CSMD1: variants seen among roughly 807,000 people sequenced by gnomAD.
CSMD1 encodes the protein CUB and sushi domain-containing protein 1.
Under a neutral mutation model 417.5 loss-of-function variants are expected in CSMD1, and 213 were observed. That is an observed-to-expected ratio of 0.51 (90% CI 0.46 to 0.57). The LOEUF is 0.57. CSMD1 is among the 20% of genes least tolerant of loss of function. The pLI, the probability that CSMD1 is intolerant of heterozygous loss-of-function variation, is 0.00. For missense variants in CSMD1, 6,923 were observed against 4,529.7 expected, an observed-to-expected ratio of 1.53 and a Z score of -15.17; for synonymous variants, 2,862 against 1,736.8, an observed-to-expected ratio of 1.65 and a Z score of -16.11.
chr8:4,428,264 C>A (rs1462706249), intron 2 of CSMD1, among the ~76,000 whole-genome samples: 1 of 152,160 alleles, frequency 6.6e-6, no homozygotes, highest in Non-Finnish European at 1.5e-5. Flanking sequence ...CAACTTGATA[C>A]AAGGAAAATC....
At chr8:4,622,072 G>A (rs1181807973) in intron 2 of CSMD1, among the ~76,000 whole-genome samples, 1 of 151,518 alleles carries the variant, frequency 6.6e-6, no homozygotes, top group African/African-American at 2.4e-5. Context: ...CAACATATTA[G>A]TGCAGTTCTA....
At chr8:4,537,803 G>A (rs574958144) in intron 2 of CSMD1, among the ~76,000 whole-genome samples, 5 of 152,136 alleles carry the variant, frequency 3.3e-5, no homozygotes, top group East Asian at 1.9e-4. Flanking sequence ...TCTCAGGGCC[G>A]TGTTTATCCA....
At chr8:3,819,186 A>G (rs9693433) in intron 5 of CSMD1, among the ~76,000 whole-genome samples, 114,717 of 151,938 alleles carry the variant, frequency 0.76, 43,464 homozygotes, top group East Asian at 0.83. Context: ...CCACAGTGAA[A>G]CTCAATGTCT....
intron 5 of CSMD1, among the ~76,000 whole-genome samples, chr8:3,980,587 C>T (rs1038594156): frequency 9.2e-5 from 14 of 152,254 alleles, no homozygotes; most frequent in African/African-American, 3.1e-4. Flanking sequence ...AGTTTCCCCC[C>T]TTGTTAATTT....
chr8:4,455,946 A>AAAAAAAAAAAAAAAAAAT, intron 2 of CSMD1, among the ~76,000 whole-genome samples: 1 of 140,594 alleles, frequency 7.1e-6, no homozygotes, highest in Non-Finnish European at 1.5e-5. Context: ...AAAAAAAAAA[A>AAAAAAAAAAAAAAAAAAT]AAAAAAAAAA....
chr8:4,243,231 G>A (rs1585085099), intron 3 of CSMD1, among the ~76,000 whole-genome samples: 1 of 152,124 alleles, frequency 6.6e-6, no homozygotes, highest in Admixed American at 6.5e-5. Flanking sequence ...GGAGAGTCAG[G>A]AAAGGGGAGA....
chr8:3,432,321 A>T (rs979088140), intron 12 of CSMD1, among the ~76,000 whole-genome samples: 1 of 152,154 alleles, frequency 6.6e-6, no homozygotes, highest in Non-Finnish European at 1.5e-5. Context: ...AAAAGAAAAA[A>T]AATCATTTAA....
At chr8:4,245,820 G>A (rs1164561526) in intron 3 of CSMD1, among the ~76,000 whole-genome samples, 1 of 152,068 alleles carries the variant, frequency 6.6e-6, no homozygotes. Flanking sequence ...TTATTGACAA[G>A]TGTGCACAAT....
chr8:4,797,402 C>T (rs1229005985), intron 1 of CSMD1, among the ~76,000 whole-genome samples: 1 of 152,150 alleles, frequency 6.6e-6, no homozygotes, highest in Non-Finnish European at 1.5e-5. Context: ...ATCAAGCTGC[C>T]ACTTCAAAAG....
At chr8:3,742,405 C>A (rs1563331157) in intron 6 of CSMD1, among the ~76,000 whole-genome samples, 1 of 152,178 alleles carries the variant, frequency 6.6e-6, no homozygotes. Flanking sequence ...TTGTAAACTC[C>A]TGCAGAAAGA....
intron 25 of CSMD1, among the ~76,000 whole-genome samples, chr8:3,293,284 G>GA (rs1803714742): frequency 6.6e-6 from 1 of 152,106 alleles, no homozygotes; most frequent in African/African-American, 2.4e-5. Flanking sequence ...CAACTTTGGT[G>GA]AATCTGACAA....
At chr8:3,282,757 G>A (rs777485355) in intron 26 of CSMD1, among the ~76,000 whole-genome samples, 1 of 152,046 alleles carries the variant, frequency 6.6e-6, no homozygotes, top group Non-Finnish European at 1.5e-5. Context: ...ATAACCAGAG[G>A]TAAGAAATTG....
intron 3 of CSMD1, among the ~76,000 whole-genome samples, chr8:4,228,840 C>A (rs2128812621): frequency 6.6e-6 from 1 of 152,042 alleles, no homozygotes; most frequent in East Asian, 1.9e-4. Context: ...CACCACTGTG[C>A]CCAGCTAATT....
At chr8:4,421,368 A>G (rs1009458218) in intron 2 of CSMD1, among the ~76,000 whole-genome samples, 10 of 152,304 alleles carry the variant, frequency 6.6e-5, no homozygotes, top group African/African-American at 2.4e-4. Flanking sequence ...TTACCCAGCA[A>G]GAACAGAGTA....
chr8:4,099,647 A>G (rs1801205017), intron 3 of CSMD1, among the ~76,000 whole-genome samples: 1 of 152,128 alleles, frequency 6.6e-6, no homozygotes, highest in Non-Finnish European at 1.5e-5. Flanking sequence ...TGGGTTCAGA[A>G]TAAACCAATG....
chr8:3,213,203 C>T (rs903513826), intron 30 of CSMD1, among the ~76,000 whole-genome samples: 2 of 152,162 alleles, frequency 1.3e-5, no homozygotes, highest in Non-Finnish European at 2.9e-5. Flanking sequence ...AAGAAAAACA[C>T]ATTTGTTTCA....
At chr8:3,511,524 G>A (rs1183096321) in intron 10 of CSMD1, among the ~76,000 whole-genome samples, 1 of 151,632 alleles carries the variant, frequency 6.6e-6, no homozygotes, top group Non-Finnish European at 1.5e-5. Flanking sequence ...GGAGGCCGAG[G>A]CAGGTAGATC....
intron 3 of CSMD1, among the ~76,000 whole-genome samples, chr8:4,365,829 C>G (rs1421014331): frequency 1.3e-5 from 2 of 152,164 alleles, no homozygotes; most frequent in Non-Finnish European, 2.9e-5. Context: ...TTTGACTTTT[C>G]TAGATTCCAC....
At chr8:4,974,142 G>T (rs556482152) in intron 1 of CSMD1, among the ~76,000 whole-genome samples, 1 of 151,598 alleles carries the variant, frequency 6.6e-6, no homozygotes, top group Non-Finnish European at 1.5e-5. Flanking sequence ...TCAGCCTCCC[G>T]AGTAGCTGAG....
Sources: allele counts gnomAD v4.1 joint callset (sites outside exome capture counted in the v4.1 genomes callset), GRCh38; gene constraint gnomAD v4.1.1; transcripts MANE v1.5; gene names NCBI Gene and HGNC (gene_info 2026-07-23, HGNC 2026-07-21).